The following MTX3 variants were observed in gnomAD, a reference collection of about 807,000 sequenced individuals.
MTX3 encodes the protein metaxin-3.
In MTX3, 27 loss-of-function variants were observed where a neutral mutation model predicts 42.5. The observed-to-expected ratio is 0.64, with a 90% CI of 0.47 to 0.88. The LOEUF is 0.88. Among genes scored for constraint, MTX3 ranks in the 40% least tolerant of loss-of-function variants. The pLI is 0.00. For missense variants in MTX3, 378 were observed against 367.0 expected (o/e 1.03, Z -0.25); for synonymous variants, 144 against 132.9 (o/e 1.08, Z -0.57).
Position 79,984,207 on chromosome 5 carries a change from C to G in MTX3, c.829-413G>C, listed in dbSNP as rs537290217. 1.9e-4 allele frequency among the ~76,000 whole-genome samples: 29 copies of G among 152,256 alleles called. 1 individual carries two copies. In the South Asian group the frequency reaches 5.8e-3, roughly 30 times the overall value. On this transcript the variant is annotated intron_variant, in intron 8 of 8. Coordinates refer to ENST00000512528, the MANE Select transcript of MTX3 (RefSeq NM_001363818.2). ...CTATGAAGAAAAGGCAGACACAGAC[C>G]TTCTCTGTTGTACAGATGAGCAAAA... is the stretch of plus-strand genomic sequence containing the variant.
In MTX3 at chr5:79,977,736, C is replaced by T. The variant is rs1432647972; in HGVS notation, c.*5948G>A. 1 of 152,114 alleles carries T rather than the reference C, an allele frequency of 6.6e-6. No homozygotes were observed. The highest frequency in any genetic ancestry group is 1.5e-5 in the Non-Finnish European group (1 of 68,018). 9.4% of individuals were successfully genotyped at this position (152,114 alleles called of 1,614,324 possible). A position where few individuals can be genotyped will look rare whatever the true frequency, so the allele number is the denominator to read the frequency against. On this transcript the variant is annotated 3_prime_UTR_variant, in exon 9 of 9. Coordinates refer to ENST00000512528, the MANE Select transcript of MTX3 (RefSeq NM_001363818.2). Reference sequence around the variant, plus strand: ...TTAGAATTTAGTGAAAACTATGAACCGTAGACTGTCTTCGGTAATGAACAA... The same window carrying T: ...TTAGAATTTAGTGAAAACTATGAACTGTAGACTGTCTTCGGTAATGAACAA...
rs2151140056 is a variant in MTX3, at chr5:79,983,066, A to G, written c.*618T>C. 1 of 154,330 alleles carries G rather than the reference A, an allele frequency of 6.5e-6. No individual in the cohort carries two copies. The highest frequency in any genetic ancestry group is 1.9e-4 in the East Asian group (1 of 5,206). 9.6% of individuals were successfully genotyped at this position (154,330 alleles called of 1,614,324 possible). ...AATGAGTATTATCAGATGTTATTAT[A>G]TGTAACCACCTTTAATATTTATCTA... On this transcript the variant is annotated 3_prime_UTR_variant, in exon 9 of 9. Coordinates refer to ENST00000512528, the MANE Select transcript of MTX3 (RefSeq NM_001363818.2).
At chr5:79,984,094 T>C (rs947433036) in intron 8 of MTX3, among the ~76,000 whole-genome samples, 2 of 152,234 alleles carry the variant, frequency 1.3e-5, no homozygotes, top group African/African-American at 4.8e-5. Flanking sequence ...GGTCTTCTGA[T>C]AGTAAGTGTA....
chr5:79,991,053 C>G, intron 1 of MTX3, 105 bp downstream of exon 1: 1 of 1,162,434 alleles, frequency 8.6e-7, no homozygotes, highest in Non-Finnish European at 1.3e-6. Context: ...TGCAGCGGCT[C>G]GGCCCTCCTG....
At position 79,990,150 on chromosome 5, in the gene MTX3, A is replaced by G; in HGVS notation, c.228+10T>C. 2 of 1,586,318 alleles carry G rather than the reference A, an allele frequency of 1.3e-6. No individual in the cohort carries two copies. Among genetic ancestry groups the G allele is most frequent in the Non-Finnish European group, 1.7e-6 (2 of 1,160,416 alleles). On this transcript the variant is annotated intron_variant, in intron 3 of 8. Transcript: ENST00000512528. ...TCTACCAATCTACTTCTTCAAAGTG[A>G]ACCACCCACCTGTTTTCTTAAAAAG...
Position 79,987,055 on chromosome 5 carries a change from C to A in MTX3, c.634G>T (p.Val212Leu). The A allele has an allele frequency of 1.2e-6, 2 of 1,613,936 alleles. No individual in the cohort carries two copies. Among genetic ancestry groups the A allele is most frequent in the Non-Finnish European group, 1.7e-6 (2 of 1,179,874 alleles). The change falls in exon 7 of 9, where the codon GTA becomes TTA. Residue 212 changes from valine to leucine, a missense_variant. Transcript: ENST00000512528. ...VFGFLAPLYK[V>L]RFPKVQLQEH... Reference sequence around the variant, plus strand: ...TGTAGCTGAACTTTAGGAAACCGTACTTTGTAAAGAGGTGCAAGAAAACCA... The same window carrying A: ...TGTAGCTGAACTTTAGGAAACCGTAATTTGTAAAGAGGTGCAAGAAAACCA...
At chr5:79,989,444 T>C (rs954892713) in intron 3 of MTX3, among the ~76,000 whole-genome samples, 200 bp from the exon 4 acceptor site, 2 of 152,210 alleles carry the variant, frequency 1.3e-5, no homozygotes, top group Middle Eastern at 3.2e-3. Flanking sequence ...ATACACAATA[T>C]GGTCAATAAA....
chr5:79,991,131 G>T, intron 1 of MTX3, 27 bp downstream of exon 1: 1 of 1,545,748 alleles, frequency 6.5e-7, no homozygotes, highest in Non-Finnish European at 8.7e-7. Context: ...CCTTCCTCCT[G>T]CGCCCTGGCC....
chr5:79,986,154 C>G (rs975479145), intron 7 of MTX3, among the ~76,000 whole-genome samples: 1 of 152,086 alleles, frequency 6.6e-6, no homozygotes, highest in African/African-American at 2.4e-5. Flanking sequence ...TTTAGTAAGT[C>G]TGGAATAGGA....
Position 79,978,417 on chromosome 5 carries a change from C to T in MTX3, c.*5267G>A, listed in dbSNP as rs1224760421. On this transcript the variant is annotated 3_prime_UTR_variant, in exon 9 of 9. Coordinates refer to ENST00000512528, the MANE Select transcript of MTX3 (RefSeq NM_001363818.2). ...TCAGCCTGGTCAACATGGTGAAACC[C>T]CATCTCTACTAAAAATACAAAAATT... 1.3e-5 allele frequency: 2 copies of T among 152,152 alleles called. No homozygotes were observed. Among genetic ancestry groups the T allele is most frequent in the South Asian group, 2.1e-4 (1 of 4,822 alleles). 9.4% of individuals were successfully genotyped at this position (152,152 alleles called of 1,614,324 possible).
At position 79,981,696 on chromosome 5, in the gene MTX3, T is replaced by C. The variant is rs1831377802; in HGVS notation, c.*1988A>G. The stretch of plus-strand genomic sequence containing the variant: ...GCCCATGGAGAAACTTGGAGTTAAA[T>C]TTACTACTTAATTTTAGAATCTGTC... On this transcript the variant is annotated 3_prime_UTR_variant, in exon 9 of 9. Coordinates refer to ENST00000512528, the MANE Select transcript of MTX3 (RefSeq NM_001363818.2). 6.6e-6 allele frequency: 1 copy of C among 152,228 alleles called. No individual in the cohort carries two copies. Among genetic ancestry groups the C allele is most frequent in the South Asian group, 2.1e-4 (1 of 4,822 alleles). 9.4% of individuals were successfully genotyped at this position (152,228 alleles called of 1,614,324 possible).
chr5:79,986,592 AAAGT>A (rs1338776638), intron 7 of MTX3: 1 of 373,096 alleles, frequency 2.7e-6, no homozygotes, highest in Non-Finnish European at 5.2e-6. Context: ...AAAATCATTT[AAAGT>A]AATTGTCCAT....
Position 79,988,288 on chromosome 5 carries a change from T to G in MTX3, c.532A>C (p.Asn178His), listed in dbSNP as rs767069823. Residue 178 changes from asparagine to histidine, a missense_variant, in exon 6 of 9, where the codon AAT becomes CAT. Asn to His is a moderately conservative substitution (Grantham distance 68, BLOSUM62 1). Transcript: ENST00000512528. The part of the protein sequence containing the change: ...QIYRDAKECL[N>H]LLSNRLGTSQ... ...GTTCCCAATCTGTTTGATAGAAGAT[T>G]TAGGCACTCCTTGGCATCTCTGTAT... The G allele has an allele frequency of 6.4e-7, 1 of 1,556,302 alleles. No homozygotes were observed. Among genetic ancestry groups the G allele is most frequent in the Admixed American group, 1.9e-5 (1 of 52,362 alleles).
At position 79,982,309 on chromosome 5, in the gene MTX3, C is replaced by T. The variant is rs184802295; in HGVS notation, c.*1375G>A. 17 of 435,362 alleles carry T rather than the reference C, an allele frequency of 3.9e-5. No individual in the cohort carries two copies. Among genetic ancestry groups the T allele is most frequent in the African/African-American group, 2.9e-4 (14 of 48,948 alleles). 27.0% of individuals were successfully genotyped at this position (435,362 alleles called of 1,614,324 possible). A position where few individuals can be genotyped will look rare whatever the true frequency, so the allele number is the denominator to read the frequency against. On this transcript the variant is annotated 3_prime_UTR_variant, in exon 9 of 9. Coordinates refer to ENST00000512528, the MANE Select transcript of MTX3 (RefSeq NM_001363818.2). ...TATAAATAACTACCTAAATACAGAA[C>T]AAATTGGGAGGATGTGGGTCAAACA...
rs747954642 is a variant in MTX3 at position 79,988,658 on chromosome 5, G to C, written c.322-14C>G. ...GAATGTGTGAAGCTGCAAAAGAAGAGAAAAAACACTACAAGGATGTTCTTT... is the reference window on the plus strand; with the variant it reads ...GAATGTGTGAAGCTGCAAAAGAAGACAAAAAACACTACAAGGATGTTCTTT... On this transcript the variant is annotated splice_polypyrimidine_tract_variant and intron_variant, in intron 4 of 8. Transcript: ENST00000512528. 6.5e-7 allele frequency: 1 copy of C among 1,547,418 alleles called. No homozygotes were observed. The highest frequency in any genetic ancestry group is 8.7e-7 in the Non-Finnish European group (1 of 1,147,236).
rs895979018 is a variant in MTX3, at chr5:79,978,983, G to C, written c.*4701C>G. ...CCTTCTATTCACAAACCTTCAACTC[G>C]AGTTACCCTTTCTGATACCTTTGTT... On this transcript the variant is annotated 3_prime_UTR_variant, in exon 9 of 9. Coordinates refer to ENST00000512528, the MANE Select transcript of MTX3 (RefSeq NM_001363818.2). The C allele has an allele frequency of 1.3e-5, 2 of 152,310 alleles. No individual in the cohort carries two copies. Among genetic ancestry groups the C allele is most frequent in the African/African-American group, 4.8e-5 (2 of 41,300 alleles). The allele number at this position is 152,310 out of a possible 1,614,324, so 9.4% of individuals were successfully genotyped here. A position where few individuals can be genotyped will look rare whatever the true frequency, so the allele number is the denominator to read the frequency against.
intron 6 of MTX3, among the ~76,000 whole-genome samples, chr5:79,987,518 AT>A (rs1197766792): frequency 2.0e-5 from 3 of 150,754 alleles, no homozygotes; most frequent in Admixed American, 1.3e-4. Flanking sequence ...ATGGTGTTTA[AT>A]TTTTTTTTCA....
In MTX3 at chr5:79,979,130, A is replaced by G. The variant is rs941003229; in HGVS notation, c.*4554T>C. 17 of 152,616 alleles carry G rather than the reference A, an allele frequency of 1.1e-4. No homozygotes were observed. Among genetic ancestry groups the G allele is most frequent in the African/African-American group, 3.6e-4 (15 of 41,454 alleles). 9.5% of individuals were successfully genotyped at this position (152,616 alleles called of 1,614,324 possible). A position where few individuals can be genotyped will look rare whatever the true frequency, so the allele number is the denominator to read the frequency against. Reference sequence around the variant, plus strand: ...ATCACAATTTAAGTCCAGGGCAGGTATCCTGGGCTCCTAGCAAACACTACA... The same window carrying G: ...ATCACAATTTAAGTCCAGGGCAGGTGTCCTGGGCTCCTAGCAAACACTACA... On this transcript the variant is annotated 3_prime_UTR_variant, in exon 9 of 9. Coordinates refer to ENST00000512528, the MANE Select transcript of MTX3 (RefSeq NM_001363818.2).
In MTX3 at chr5:79,988,496, G is replaced by A. The variant is rs768535227; in HGVS notation, c.470C>T (p.Pro157Leu). Reference protein sequence around the residue: ...LNRILLTRGQPPLYHLREVEA... With the variant: ...LNRILLTRGQLPLYHLREVEA... ...CACTTCTCGGAGGTGGTAGAGGGGA[G>A]GCTGTCCTCTGGTCAGGAGAATCCT... The change falls in exon 5 of 9, where the codon CCT (proline) becomes CTT (leucine). Residue 157 changes from proline (P) to leucine (L), a missense_variant. By Grantham distance (98) the Pro-to-Leu change is moderately conservative (BLOSUM62 -3). Coordinates refer to ENST00000512528, the MANE Select transcript of MTX3 (RefSeq NM_001363818.2). 1 of 1,612,806 alleles carries A rather than the reference G, an allele frequency of 6.2e-7. No homozygotes were observed. The highest frequency in any genetic ancestry group is 1.1e-5 in the South Asian group (1 of 90,712).
Sources: gnomAD v4.1 joint callset for allele counts (sites outside exome capture counted in the v4.1 genomes callset) on GRCh38, gnomAD v4.1.1 for gene constraint, MANE v1.5 for transcripts, NCBI Gene and HGNC (gene_info 2026-07-23, HGNC 2026-07-21) for gene names.